The following SORCS1 variants were observed in gnomAD, a reference collection of about 807,000 sequenced individuals.
SORCS1 encodes sortilin related VPS10 domain containing receptor 1.
Under a neutral mutation model 146.1 loss-of-function variants are expected in SORCS1, and 60 were observed. The ratio of observed to expected loss-of-function variants is 0.41; its 90% CI spans 0.33 to 0.51. The LOEUF (loss-of-function observed/expected upper bound fraction) is 0.51, where lower values mean the gene tolerates loss of function less well. Ranked by LOEUF, SORCS1 falls within the 20% of genes least tolerant of loss-of-function variation. The probability of loss-of-function intolerance (pLI) is 0.21; values close to 1 mark genes in which losing one functional copy is unlikely to be tolerated. For missense variants in SORCS1, 1,352 were observed against 1,487.6 expected, an observed-to-expected ratio of 0.91 and a Z score of 1.50; for synonymous variants, 637 against 584.0, an observed-to-expected ratio of 1.09 and a Z score of -1.31.
intron 6 of SORCS1, among the ~76,000 whole-genome samples, chr10:106,717,379 TTGAGAA>T (rs1855452709): frequency 6.6e-6 from 1 of 152,190 alleles, no homozygotes. Context: ...CAGCTAGAAA[TTGAGAA>T]TGTCAAAAGT....
At chr10:106,920,117 C>T (rs1345557524) in intron 2 of SORCS1, among the ~76,000 whole-genome samples, 3 of 152,120 alleles carry the variant, frequency 2.0e-5, no homozygotes, top group African/African-American at 4.8e-5. Context: ...CACTGTTACC[C>T]CCAGTCACCA....
intron 9 of SORCS1, among the ~76,000 whole-genome samples, 198 bp from the exon 10 acceptor site, chr10:106,688,536 T>A (rs1045787960): frequency 7.2e-5 from 11 of 152,168 alleles, no homozygotes; most frequent in African/African-American, 2.2e-4. Context: ...AGATTGGTGA[T>A]CCTTATCATA....
intron 2 of SORCS1, 65 bp downstream of exon 2, chr10:106,956,448 G>A (rs1379950371): frequency 2.1e-6 from 3 of 1,456,152 alleles, no homozygotes; most frequent in Admixed American, 3.5e-5. Flanking sequence ...AAAGTGGGTG[G>A]GACAGCAGTA....
At chr10:107,029,133 A>G (rs1440011933) in intron 1 of SORCS1, among the ~76,000 whole-genome samples, 2 of 152,238 alleles carry the variant, frequency 1.3e-5, no homozygotes, top group African/African-American at 4.8e-5. Flanking sequence ...ACTTTGCTAG[A>G]TGCTCTCTCA....
At chr10:106,874,490 T>G (rs2137618069) in intron 2 of SORCS1, among the ~76,000 whole-genome samples, 1 of 152,332 alleles carries the variant, frequency 6.6e-6, no homozygotes, top group Non-Finnish European at 1.5e-5. Context: ...GCAAGGATCC[T>G]ACTCTTCAAG....
At chr10:106,659,232 G>A (rs1046634563) in intron 17 of SORCS1, among the ~76,000 whole-genome samples, 1 of 152,216 alleles carries the variant, frequency 6.6e-6, no homozygotes, top group African/African-American at 2.4e-5. Context: ...TAGCGGATAG[G>A]CATAAGACAG....
rs1358725612 is a variant in SORCS1, at chr10:107,163,975, G to A, written c.552C>T (p.Asn184=). Reference sequence around the variant, plus strand: ...TCAGTCCCATTCTACTCACGCTGCTGTTGTGGCCAGACCAGTGGACCATGG... The same window carrying A: ...TCAGTCCCATTCTACTCACGCTGCTATTGTGGCCAGACCAGTGGACCATGG... ...NQAMVHWSGH[N]SSVILILTKL... The change falls in exon 1 of 26, where the codon AAC becomes AAT. Residue 184 remains asparagine, a synonymous_variant. Coordinates refer to ENST00000263054, the MANE Select transcript of SORCS1 (RefSeq NM_052918.5). 6.2e-7 allele frequency: 1 copy of A among 1,612,714 alleles called. No homozygotes were observed. Among genetic ancestry groups the A allele is most frequent in the Admixed American group, 1.7e-5 (1 of 59,986 alleles).
At chr10:106,587,028 C>A (rs949707389) in intron 24 of SORCS1, among the ~76,000 whole-genome samples, 1 of 151,970 alleles carries the variant, frequency 6.6e-6, no homozygotes. Context: ...AATCATATTG[C>A]GGGGAGGGAT....
At chr10:107,118,219 C>A (rs922261962) in intron 1 of SORCS1, among the ~76,000 whole-genome samples, 4 of 152,254 alleles carry the variant, frequency 2.6e-5, no homozygotes, top group Non-Finnish European at 5.9e-5. Flanking sequence ...GAGGACACAG[C>A]CATCTCTGAA....
At chr10:106,735,044 G>A (rs1055005388) in intron 5 of SORCS1, among the ~76,000 whole-genome samples, 2 of 151,516 alleles carry the variant, frequency 1.3e-5, no homozygotes, top group Non-Finnish European at 2.9e-5. Context: ...TACTCAGGAG[G>A]CTGAGGCAGG....
At chr10:107,121,650 T>C (rs552543009) in intron 1 of SORCS1, among the ~76,000 whole-genome samples, 1 of 152,074 alleles carries the variant, frequency 6.6e-6, no homozygotes, top group Non-Finnish European at 1.5e-5. Flanking sequence ...TTAAGTAACA[T>C]CATATCAATT....
intron 3 of SORCS1, among the ~76,000 whole-genome samples, chr10:106,812,697 A>T (rs1303541584): frequency 6.6e-6 from 1 of 152,196 alleles, no homozygotes; most frequent in Non-Finnish European, 1.5e-5. Context: ...TGCAACATAC[A>T]TGTATGCATG....
At position 106,993,566 on chromosome 10, in the gene SORCS1, C is replaced by T. The variant is rs547421963; in HGVS notation, c.559-36986G>A. ...CTTTTAAAAACTTATTTTCTTAAAG[C>T]TAAAAACTAGATAGTATTTTATTCA... On this transcript the variant is annotated intron_variant, in intron 1 of 25. Transcript: ENST00000263054. Among the ~76,000 whole-genome samples the T allele has an allele frequency of 2.6e-5, 4 of 152,226 alleles. No homozygotes were observed. The East Asian group carries it at 7.7e-4, about 29-fold the overall frequency.
chr10:107,058,172 G>T (rs1299832914), intron 1 of SORCS1, among the ~76,000 whole-genome samples: 1 of 152,122 alleles, frequency 6.6e-6, no homozygotes, highest in African/African-American at 2.4e-5. Flanking sequence ...CTCCTGAGTA[G>T]CTGGGACTAC....
At position 106,620,407 on chromosome 10, in the gene SORCS1, G is replaced by C. The variant is rs368358829; in HGVS notation, c.2796+21C>G. 7 of 1,604,206 alleles carry C rather than the reference G, an allele frequency of 4.4e-6. No homozygotes were observed. The Admixed American group carries it at 1.2e-4, about 27-fold the overall frequency. Reference sequence around the variant, plus strand: ...TGAATTGAGCTTCTGTCCCTAGATCGCATGTGGAAGGTGAACCCACCTCCG... The same window carrying C: ...TGAATTGAGCTTCTGTCCCTAGATCCCATGTGGAAGGTGAACCCACCTCCG... On this transcript the variant is annotated intron_variant, in intron 20 of 25. Coordinates refer to ENST00000263054, the MANE Select transcript of SORCS1 (RefSeq NM_052918.5).
At chr10:106,841,908 T>G (rs1335273398) in intron 2 of SORCS1, among the ~76,000 whole-genome samples, 1 of 152,254 alleles carries the variant, frequency 6.6e-6, no homozygotes, top group Non-Finnish European at 1.5e-5. Context: ...CAGAATTTTG[T>G]GTAAACATGT....
At chr10:106,667,560 A>G in intron 17 of SORCS1, 129 bp downstream of exon 17, 1 of 616,060 alleles carries the variant, frequency 1.6e-6, no homozygotes, top group Admixed American at 2.8e-5. Flanking sequence ...TGTTAAAATG[A>G]ACAAAAGCAA....
chr10:106,727,255 C>T (rs1856267843), intron 6 of SORCS1, among the ~76,000 whole-genome samples: 1 of 152,124 alleles, frequency 6.6e-6, no homozygotes, highest in African/African-American at 2.4e-5. Flanking sequence ...CACTGGTAGC[C>T]CTGACAACTG....
chr10:107,175,347 G>T, the SORCS1 span, among the ~76,000 whole-genome samples: 1 of 152,082 alleles, frequency 6.6e-6, no homozygotes, highest in Non-Finnish European at 1.5e-5. Flanking sequence ...TTCCTTATTT[G>T]TTTGAATGAA....
Sources: allele counts gnomAD v4.1 joint callset (sites outside exome capture counted in the v4.1 genomes callset), GRCh38; gene constraint gnomAD v4.1.1; transcripts MANE v1.5; gene names NCBI Gene and HGNC (gene_info 2026-07-23, HGNC 2026-07-21).